The following PSMD12 variants were observed in gnomAD, a reference collection of about 807,000 sequenced individuals.
The protein encoded by PSMD12 is 26S proteasome non-ATPase regulatory subunit 12.
In PSMD12, 8 loss-of-function variants were observed where a neutral mutation model predicts 62.9. The observed-to-expected ratio is 0.13, with a 90% CI of 0.07 to 0.23. The LOEUF is 0.23. PSMD12 is among the 10% of genes least tolerant of loss of function. PSMD12 has a pLI of 1.00. For missense variants in PSMD12, 424 were observed against 550.2 expected, an observed-to-expected ratio of 0.77 and a Z score of 2.29; for synonymous variants, 173 against 187.4, an observed-to-expected ratio of 0.92 and a Z score of 0.63.
chr17:67,351,075 G>A (rs1187277575), intron 3 of PSMD12, among the ~76,000 whole-genome samples: 1 of 152,028 alleles, frequency 6.6e-6, no homozygotes, highest in Non-Finnish European at 1.5e-5. Context: ...TAGATTTTAA[G>A]CAATATATGA....
At chr17:67,351,206 A>G (rs2042013588) in intron 3 of PSMD12, among the ~76,000 whole-genome samples, 1 of 152,086 alleles carries the variant, frequency 6.6e-6, no homozygotes, top group African/African-American at 2.4e-5. Context: ...CCTGGCTAAC[A>G]TGGTGAAACC....
rs562300273 is a variant in PSMD12, at chr17:67,356,418, C to T, written c.297+885G>A. Among the ~76,000 whole-genome samples, 231 of 150,036 alleles carry T rather than the reference C, an allele frequency of 1.5e-3. 1 individual carries two copies. Among genetic ancestry groups the T allele is most frequent in the African/African-American group, 5.3e-3 (216 of 41,070 alleles). On this transcript the variant is annotated intron_variant, in intron 3 of 10. Coordinates refer to ENST00000356126, the MANE Select transcript of PSMD12 (RefSeq NM_002816.5). ...CTAAAAATACAAAAAATTAGCCGGG[C>T]GTGGTAGCGGGCGCCTGTAGTCCCA...
chr17:67,346,002 C>T (rs537208847), intron 7 of PSMD12, 145 bp from the exon 8 acceptor site: 11 of 707,698 alleles, frequency 1.6e-5, no homozygotes, highest in African/African-American at 1.1e-4. Flanking sequence ...GTAATCCCAG[C>T]ACTTTGGGAG....
chr17:67,354,097 G>A (rs755646747), intron 3 of PSMD12, among the ~76,000 whole-genome samples: 6 of 152,136 alleles, frequency 3.9e-5, no homozygotes, highest in Non-Finnish European at 7.4e-5. Context: ...ATAAAAATAC[G>A]TTTCTCCATT....
intron 4 of PSMD12, 44 bp from the exon 5 acceptor site, chr17:67,348,698 G>A (rs768396558): frequency 5.8e-6 from 9 of 1,556,208 alleles, no homozygotes; most frequent in Non-Finnish European, 6.1e-6. Flanking sequence ...ATGGAAACGT[G>A]TTAAAATTTA....
chr17:67,357,606 A>T (rs764079919), intron 1 of PSMD12, 28 bp from the exon 2 acceptor site: 3 of 1,592,210 alleles, frequency 1.9e-6, no homozygotes, highest in South Asian at 2.2e-5. Flanking sequence ...AATGAACAAT[A>T]AAAAAACACA....
rs1459548351 is a variant in PSMD12 at position 67,339,940 on chromosome 17, T to C, written c.*903A>G. 1.3e-5 allele frequency: 2 copies of C among 151,806 alleles called. No homozygotes were observed. Among genetic ancestry groups the C allele is most frequent in the Non-Finnish European group, 2.9e-5 (2 of 67,978 alleles). The allele number at this position is 151,806 out of a possible 1,614,324, so 9.4% of individuals were successfully genotyped here. The stretch of plus-strand genomic sequence containing the variant: ...AAAAAATTAGGTTATCCAGTGTTCA[T>C]ATAATGGAACTAAAAGTTCCTACAG... On this transcript the variant is annotated 3_prime_UTR_variant, in exon 11 of 11. Transcript: ENST00000356126.
rs2041911045 is a variant in PSMD12 at position 67,341,126 on chromosome 17, T to C, written c.1162-74A>G. The C allele has an allele frequency of 9.8e-5, 113 of 1,158,368 alleles. No individual in the cohort carries two copies. The South Asian group carries it at 1.5e-3, about 15-fold the overall frequency. 71.8% of individuals were successfully genotyped at this position (1,158,368 alleles called of 1,614,324 possible). On this transcript the variant is annotated intron_variant, in intron 10 of 10. Transcript: ENST00000356126. ...AATAAACAAAACTTCAGAAAAGCAT[T>C]TTCTGAACTCTTCATCCAAGAATAT...
intron 4 of PSMD12, among the ~76,000 whole-genome samples, chr17:67,349,023 T>C (rs1224580253): frequency 6.6e-6 from 1 of 152,078 alleles, no homozygotes; most frequent in Admixed American, 6.6e-5. Flanking sequence ...CTGAACTACT[T>C]TTTTTTGTTT....
chr17:67,358,530 T>G (rs2042098026), intron 1 of PSMD12, among the ~76,000 whole-genome samples: 1 of 125,024 alleles, frequency 8.0e-6, no homozygotes, highest in Admixed American at 1.0e-4. Context: ...ATCGCACCAC[T>G]GCACTCTAGC....
chr17:67,360,624 T>G (rs1449881009), intron 1 of PSMD12, among the ~76,000 whole-genome samples: 1 of 152,242 alleles, frequency 6.6e-6, no homozygotes, highest in Non-Finnish European at 1.5e-5. Context: ...CCACTGCTTC[T>G]GCAGACACTA....
intron 1 of PSMD12, among the ~76,000 whole-genome samples, chr17:67,362,547 A>T (rs2042141053): frequency 6.9e-6 from 1 of 145,306 alleles, no homozygotes. Context: ...CTGTAGTCCC[A>T]GCTACTGGGG....
intron 1 of PSMD12, 76 bp from the exon 2 acceptor site, chr17:67,357,654 G>T (rs2143725171): frequency 6.8e-7 from 1 of 1,460,272 alleles, no homozygotes; most frequent in South Asian, 1.2e-5. Context: ...AAATGGTTTT[G>T]ACACAGAAAA....
At chr17:67,344,185 T>C (rs1398729777) in intron 9 of PSMD12, among the ~76,000 whole-genome samples, 1 of 152,190 alleles carries the variant, frequency 6.6e-6, no homozygotes, top group East Asian at 1.9e-4. Context: ...CTTCCAAGAC[T>C]AGTGAATATT....
Position 67,345,762 on chromosome 17 carries a change from T to C in PSMD12, c.891A>G (p.Glu297=). The change falls in exon 8 of 11, where the codon GAA becomes GAG. Residue 297 remains glutamate (E), a synonymous_variant. Coordinates refer to ENST00000356126, the MANE Select transcript of PSMD12 (RefSeq NM_002816.5). ...VHRISGDKKL[E]EIPKYKDLLK... ...GTACTTACTTGTATTTGGGAATTTC[T>C]TCTAACTTCTTGTCACCACTTATTC... 1.2e-6 allele frequency: 2 copies of C among 1,608,728 alleles called. No individual in the cohort carries two copies. Among genetic ancestry groups the C allele is most frequent in the Non-Finnish European group, 1.7e-6 (2 of 1,175,796 alleles).
intron 1 of PSMD12, among the ~76,000 whole-genome samples, chr17:67,358,933 T>A (rs555976090): frequency 6.6e-6 from 1 of 152,346 alleles, no homozygotes; most frequent in African/African-American, 2.4e-5. Context: ...CTAGGCTATA[T>A]ATTTAGAGAT....
At chr17:67,349,064 G>C (rs1243447727) in intron 4 of PSMD12, among the ~76,000 whole-genome samples, 1 of 152,156 alleles carries the variant, frequency 6.6e-6, no homozygotes, top group Non-Finnish European at 1.5e-5. Flanking sequence ...TTGTTGCCCA[G>C]GCCAGAGTGC....
intron 3 of PSMD12, among the ~76,000 whole-genome samples, chr17:67,351,429 A>AATAATT (rs1166139372): frequency 6.8e-6 from 1 of 147,800 alleles, no homozygotes; most frequent in Non-Finnish European, 1.5e-5. Context: ...TAATAATAAT[A>AATAATT]ATTAGGACCA....
rs539216752 is a variant in PSMD12 at position 67,351,260 on chromosome 17, C to T, written c.298-924G>A. On this transcript the variant is annotated intron_variant, in intron 3 of 10. Coordinates refer to ENST00000356126, the MANE Select transcript of PSMD12 (RefSeq NM_002816.5). ...CAAAAAAATTAACCAGGCGTGGTGG[C>T]GGATGCCTGTAGTTCCAGCTACTTG... 2.1e-3 allele frequency among the ~76,000 whole-genome samples: 322 copies of T among 152,016 alleles called. 1 individual carries two copies. Among genetic ancestry groups the T allele is most frequent in the African/African-American group, 7.5e-3 (310 of 41,480 alleles).
Sources: gnomAD v4.1 joint callset for allele counts (sites outside exome capture counted in the v4.1 genomes callset) on GRCh38, gnomAD v4.1.1 for gene constraint, MANE v1.5 for transcripts, NCBI Gene and HGNC (gene_info 2026-07-23, HGNC 2026-07-21) for gene names.